The following USO1 variants were observed in gnomAD, a reference collection of about 807,000 sequenced individuals.
USO1 encodes the protein USO1 vesicle transport factor, also known as general vesicular transport factor p115.
USO1 carries 57 observed loss-of-function variants against 124.5 expected under a neutral mutation model. The ratio of observed to expected loss-of-function variants is 0.46; its 90% CI spans 0.37 to 0.57. The LOEUF (loss-of-function observed/expected upper bound fraction) is 0.57, where lower values mean the gene tolerates loss of function less well. Among genes scored for constraint, USO1 ranks in the 20% least tolerant of loss-of-function variants. The pLI is 0.00. For missense variants in USO1, 900 were observed against 1,040.6 expected, an observed-to-expected ratio of 0.86 and a Z score of 1.86; for synonymous variants, 369 against 362.8, an observed-to-expected ratio of 1.02 and a Z score of -0.19.
intron 10 of USO1, among the ~76,000 whole-genome samples, chr4:75,788,747 T>C (rs1290353795): frequency 6.6e-6 from 1 of 152,048 alleles, no homozygotes; most frequent in Non-Finnish European, 1.5e-5. Context: ...TTCCACCACA[T>C]TGGCCAGGCT....
intron 4 of USO1, among the ~76,000 whole-genome samples, chr4:75,763,706 G>A (rs1190609547): frequency 4.6e-5 from 7 of 151,626 alleles, no homozygotes; most frequent in South Asian, 2.1e-4. Context: ...TCATTTACAG[G>A]TTATAAATGC....
chr4:75,800,314 T>C, intron 14 of USO1, 37 bp from the exon 15 acceptor site: 2 of 1,540,574 alleles, frequency 1.3e-6, no homozygotes, highest in Non-Finnish European at 1.7e-6. Flanking sequence ...ATGTACTAGA[T>C]ATTTTCAATC....
At chr4:75,729,546 G>T (rs934241178) in intron 1 of USO1, among the ~76,000 whole-genome samples, 9 of 151,996 alleles carry the variant, frequency 5.9e-5, no homozygotes, top group African/African-American at 2.2e-4. Context: ...GCACTGTGAT[G>T]CCCAGGCTGG....
chr4:75,802,764 G>A (rs566689294), intron 17 of USO1, among the ~76,000 whole-genome samples: 733 of 54,960 alleles, frequency 0.013, no homozygotes, highest in Admixed American at 0.017. Context: ...TTTTTTTTGA[G>A]ACAGTTTCGC....
At chr4:75,747,172 A>G (rs1721148546) in intron 1 of USO1, among the ~76,000 whole-genome samples, 1 of 152,226 alleles carries the variant, frequency 6.6e-6, no homozygotes, top group African/African-American at 2.4e-5. Flanking sequence ...CTAATTTTAG[A>G]TCACCATCAG....
chr4:75,765,153 C>T (rs1721731831), intron 4 of USO1, among the ~76,000 whole-genome samples: 1 of 152,128 alleles, frequency 6.6e-6, no homozygotes, highest in Non-Finnish European at 1.5e-5. Flanking sequence ...ACAAAGCACC[C>T]ATGACTAAGT....
intron 13 of USO1, among the ~76,000 whole-genome samples, chr4:75,794,927 TTA>T (rs1467363196): frequency 1.3e-5 from 2 of 152,232 alleles, no homozygotes; most frequent in Non-Finnish European, 2.9e-5. Flanking sequence ...TCCCAAATTT[TTA>T]TGTCTTTACT....
At chr4:75,796,434 C>T (rs543195653) in intron 13 of USO1, among the ~76,000 whole-genome samples, 1 of 150,990 alleles carries the variant, frequency 6.6e-6, no homozygotes, top group East Asian at 2.0e-4. Context: ...CTTCTGGGTT[C>T]AAGCGATTCT....
intron 20 of USO1, 42 bp from the exon 21 acceptor site, chr4:75,808,911 A>C: frequency 6.5e-7 from 1 of 1,533,110 alleles, no homozygotes. Flanking sequence ...TGATGAATTT[A>C]ATACCATTTA....
intron 1 of USO1, among the ~76,000 whole-genome samples, chr4:75,741,629 C>T (rs1720963866): frequency 3.0e-5 from 3 of 101,650 alleles, no homozygotes. Flanking sequence ...TTTTTTGAGA[C>T]AGTCTCGCTC....
intron 4 of USO1, among the ~76,000 whole-genome samples, chr4:75,759,711 C>T (rs1721548267): frequency 6.6e-6 from 1 of 151,062 alleles, no homozygotes; most frequent in Admixed American, 6.6e-5. Context: ...GAGTTCAAGA[C>T]CAGCCTGGCC....
At position 75,812,235 on chromosome 4, in the gene USO1, A is replaced by G. The variant is rs751604314; in HGVS notation, c.2659A>G (p.Ile887Val). 3 of 1,610,368 alleles carry G rather than the reference A, an allele frequency of 1.9e-6. No homozygotes were observed. Among genetic ancestry groups the G allele is most frequent in the African/African-American group, 1.3e-5 (1 of 75,020 alleles). Residue 887 changes from isoleucine (I) to valine (V), a missense_variant, in exon 23 of 24, where the codon ATT (isoleucine) becomes GTT (valine). Transcript: ENST00000514213. The part of the protein sequence containing the change: ...QLDSSNSTIA[I>V]LQTEKDKLEL... ...GGATTCATCTAATAGTACCATTGCC[A>G]TTTTACAAACTGAGAAAGACAAACT...
At chr4:75,790,117 C>T in intron 10 of USO1, 33 bp from the exon 11 acceptor site, 6 of 1,500,414 alleles carry the variant, frequency 4.0e-6, no homozygotes, top group African/African-American at 1.4e-5. Context: ...CTTAATTTCT[C>T]TAAATGTTCT....
chr4:75,743,414 A>G (rs1207966513), intron 1 of USO1, among the ~76,000 whole-genome samples: 1 of 152,100 alleles, frequency 6.6e-6, no homozygotes, highest in Non-Finnish European at 1.5e-5. Flanking sequence ...TTCCATCTGT[A>G]TCCAAAATTG....
chr4:75,750,446 G>A (rs1223621829), intron 1 of USO1, among the ~76,000 whole-genome samples: 2 of 138,228 alleles, frequency 1.4e-5, no homozygotes, highest in Non-Finnish European at 3.2e-5. Context: ...TAAAAAAAAA[G>A]TGATGAAATC....
chr4:75,770,454 G>C lies in USO1; in HGVS notation c.311G>C (p.Arg104Thr), dbSNP rs1236216789. The C allele has an allele frequency of 1.3e-6, 2 of 1,582,204 alleles. No individual in the cohort carries two copies. The highest frequency in any genetic ancestry group is 1.3e-5 in the African/African-American group (1 of 74,244). ...AATATTACAGAAGAAAATTCCACAAGACAGAGTGAAGATTTGGGAAGCCAA... is the reference window on the plus strand; with the variant it reads ...AATATTACAGAAGAAAATTCCACAACACAGAGTGAAGATTTGGGAAGCCAA... ...EEEEVEENST[R>T]QSEDLGSQFT... Residue 104 changes from arginine to threonine, a missense_variant, in exon 5 of 24, where the codon AGA becomes ACA. Coordinates refer to ENST00000514213, the MANE Select transcript of USO1 (RefSeq NM_003715.4).
In USO1 at chr4:75,782,735, C is replaced by T. The variant is rs1722255458; in HGVS notation, c.732C>T (p.Asn244=). Residue 244 remains asparagine, a synonymous_variant, in exon 9 of 24, where the codon AAC becomes AAT. Coordinates refer to ENST00000514213, the MANE Select transcript of USO1 (RefSeq NM_003715.4). ...TCCAAAACTTATTAAAAAACAACAA[C>T]TCCAATCAAAATTTTTTTAAAGAAG... is the stretch of plus-strand genomic sequence containing the variant. ...ILLQNLLKNN[N]SNQNFFKEGS... is the part of the protein sequence containing the mutation. 3 of 1,580,772 alleles carry T rather than the reference C, an allele frequency of 1.9e-6. No homozygotes were observed. Among genetic ancestry groups the T allele is most frequent in the African/African-American group, 1.3e-5 (1 of 74,210 alleles).
At chr4:75,781,849 C>T (rs750093302) in intron 8 of USO1, among the ~76,000 whole-genome samples, 4 of 152,154 alleles carry the variant, frequency 2.6e-5, no homozygotes, top group African/African-American at 7.2e-5. Context: ...CTTGTCGTTA[C>T]GTACAGCATC....
chr4:75,776,251 T>C (rs1722070726), intron 8 of USO1, among the ~76,000 whole-genome samples: 1 of 152,136 alleles, frequency 6.6e-6, no homozygotes, highest in Non-Finnish European at 1.5e-5. Context: ...GACTCTAAGG[T>C]ACATGGGATT....
Sources: allele counts gnomAD v4.1 joint callset (sites outside exome capture counted in the v4.1 genomes callset), GRCh38; gene constraint gnomAD v4.1.1; transcripts MANE v1.5; gene names NCBI Gene and HGNC (gene_info 2026-07-23, HGNC 2026-07-21).